EYS: variants seen among roughly 807,000 people sequenced by gnomAD.
The protein encoded by EYS is protein eyes shut homolog.
A neutral mutation model predicts 282.1 loss-of-function variants in EYS; 250 were observed. That is an observed-to-expected ratio of 0.89 (90% CI 0.80 to 0.98). The LOEUF (loss-of-function observed/expected upper bound fraction) is 0.98, where lower values mean the gene tolerates loss of function less well. Among genes scored for constraint, EYS ranks in the 50% least tolerant of loss-of-function variants. EYS has a pLI of 0.00. For missense variants in EYS, 4,016 were observed against 3,709.0 expected, an observed-to-expected ratio of 1.08 and a Z score of -2.15; for synonymous variants, 1,355 against 1,282.9, an observed-to-expected ratio of 1.06 and a Z score of -1.20.
At chr6:65,080,850 C>A (rs764039832) in intron 12 of EYS, among the ~76,000 whole-genome samples, 5 of 152,064 alleles carry the variant, frequency 3.3e-5, no homozygotes, top group Non-Finnish European at 7.4e-5. Flanking sequence ...AATTTTGCAT[C>A]TTTTTACATG....
At chr6:64,453,352 A>G (rs1467918889) in intron 26 of EYS, among the ~76,000 whole-genome samples, 2 of 152,166 alleles carry the variant, frequency 1.3e-5, no homozygotes, top group Non-Finnish European at 2.9e-5. Flanking sequence ...AAAAGTCAGG[A>G]AAGAACAGGT....
At chr6:64,798,600 G>A (rs931561560) in intron 22 of EYS, among the ~76,000 whole-genome samples, 2 of 102,682 alleles carry the variant, frequency 1.9e-5, no homozygotes, top group South Asian at 5.9e-4. Context: ...CTGTTTCTTT[G>A]TTTCTGGTTT....
At chr6:64,512,637 G>A (rs751360505) in intron 26 of EYS, among the ~76,000 whole-genome samples, 3 of 151,774 alleles carry the variant, frequency 2.0e-5, no homozygotes, top group Non-Finnish European at 4.4e-5. Context: ...GGAAAAAAAG[G>A]CAAAGAAAGA....
At chr6:63,754,579 T>G (rs573037397) in intron 41 of EYS, among the ~76,000 whole-genome samples, 12 of 152,344 alleles carry the variant, frequency 7.9e-5, no homozygotes, top group Non-Finnish European at 1.3e-4. Flanking sequence ...ATTTTCTTTA[T>G]CCAGTCTATC....
chr6:64,507,983 G>A (rs549346925), intron 26 of EYS, among the ~76,000 whole-genome samples: 13 of 152,274 alleles, frequency 8.5e-5, no homozygotes, highest in African/African-American at 2.9e-4. Flanking sequence ...GAACGACAAG[G>A]TGTTCTGTAA....
At chr6:64,197,142 C>G (rs1370667065) in intron 31 of EYS, among the ~76,000 whole-genome samples, 1 of 152,096 alleles carries the variant, frequency 6.6e-6, no homozygotes, top group Non-Finnish European at 1.5e-5. Context: ...TATTTTTATA[C>G]TATCTAGGTA....
At position 64,276,887 on chromosome 6, in the gene EYS, GAATT is replaced by G. The variant is rs1387070692; in HGVS notation, c.6191+30079_6191+30082del. 2.6e-5 allele frequency among the ~76,000 whole-genome samples: 4 copies of G among 152,086 alleles called. No homozygotes were observed. The East Asian group carries it at 7.7e-4, about 29-fold the overall frequency. On this transcript the variant is annotated intron_variant, in intron 30 of 42. Coordinates refer to ENST00000503581, the MANE Select transcript of EYS (RefSeq NM_001142800.2). ...ATTAACATCAGCTAGTCTCAAAATAGAATTAATTTGGAATATATTCTGCAAAATG... is the reference window on the plus strand; with the variant it reads ...ATTAACATCAGCTAGTCTCAAAATAGAATTTGGAATATATTCTGCAAAATG...
chr6:64,355,862 C>T (rs1771806343), intron 29 of EYS, among the ~76,000 whole-genome samples: 1 of 151,616 alleles, frequency 6.6e-6, no homozygotes, highest in African/African-American at 2.4e-5. Flanking sequence ...AGATGAGCTT[C>T]AGAAGTTCTG....
At chr6:65,618,938 C>T (rs1451114919) in intron 2 of EYS, among the ~76,000 whole-genome samples, 15 of 152,108 alleles carry the variant, frequency 9.9e-5, no homozygotes, top group Non-Finnish European at 1.3e-4. Flanking sequence ...CAGTACCATG[C>T]TGTTTTGGTT....
At chr6:64,240,688 C>A (rs896138852) in intron 30 of EYS, among the ~76,000 whole-genome samples, 20 of 152,174 alleles carry the variant, frequency 1.3e-4, no homozygotes, top group African/African-American at 4.8e-4. Context: ...ACAATCACGT[C>A]ATCTGCAAAC....
rs1352791265 is a variant in EYS at position 64,902,419 on chromosome 6, A to G, written c.2723T>C (p.Met908Thr). The G allele has an allele frequency of 3.2e-6, 5 of 1,539,168 alleles. No individual in the cohort carries two copies. The South Asian group carries it at 4.9e-5, about 15-fold the overall frequency. Residue 908 changes from methionine (M) to threonine (T), a missense_variant, in exon 17 of 43, where the codon ATG (methionine) becomes ACG (threonine). Physicochemically the swap from Met to Thr is moderately conservative, Grantham distance 81. Coordinates refer to ENST00000503581, the MANE Select transcript of EYS (RefSeq NM_001142800.2). ...TTTTCTGTACCTGAAATTGTTGACC[A>G]TATCTTCACAGTCACCATAATCCTG... ...SCQDYGDCED[M>T]VNNFRCICRP...
In EYS at chr6:63,726,576, G is replaced by A; in HGVS notation, c.8176C>T (p.Pro2726Ser). ...AATAGGATACCATCTGCAGCGAGAG[G>A]CTGAAACTGCAATTGAATATGTGTC... ...KKTHIQLQFQ[P>S]LAADGILFYA... The change falls in exon 42 of 43, where the codon CCT (proline) becomes TCT (serine). Residue 2726 changes from proline to serine, a missense_variant. Physicochemically the swap from Pro to Ser is moderately conservative, Grantham distance 74. Coordinates refer to ENST00000503581, the MANE Select transcript of EYS (RefSeq NM_001142800.2). 2 of 1,551,352 alleles carry A rather than the reference G, an allele frequency of 1.3e-6. No individual in the cohort carries two copies. The highest frequency in any genetic ancestry group is 1.2e-5 in the South Asian group (1 of 84,052).
chr6:64,692,943 AT>A (rs1440561704), intron 22 of EYS, among the ~76,000 whole-genome samples: 1 of 23,794 alleles, frequency 4.2e-5, no homozygotes, highest in Non-Finnish European at 9.0e-5. Context: ...CTCTGGCTTT[AT>A]TATTTTGCTT....
At chr6:64,431,183 GA>G (rs1774565202) in intron 28 of EYS, among the ~76,000 whole-genome samples, 1 of 152,046 alleles carries the variant, frequency 6.6e-6, no homozygotes, top group Non-Finnish European at 1.5e-5. Context: ...TTGATATGAA[GA>G]AAGAATCTGT....
intron 26 of EYS, among the ~76,000 whole-genome samples, chr6:64,516,682 C>T (rs191041390): frequency 1.8e-4 from 28 of 151,776 alleles, no homozygotes; most frequent in Middle Eastern, 3.4e-3. Context: ...TACAGTAGAG[C>T]ACTGAGGGAA....
In EYS at chr6:64,722,318, A is replaced by G. The variant is rs533501566; in HGVS notation, c.3443+91060T>C. On this transcript the variant is annotated intron_variant, in intron 22 of 42. Coordinates refer to ENST00000503581, the MANE Select transcript of EYS (RefSeq NM_001142800.2). ...AAATCAGAATCCTGGGCAGTAAAAAATGAGAAAAATATAATTGAATGTGTG... is the reference window on the plus strand; with the variant it reads ...AAATCAGAATCCTGGGCAGTAAAAAGTGAGAAAAATATAATTGAATGTGTG... Among the ~76,000 whole-genome samples, 81 of 151,674 alleles carry G rather than the reference A, an allele frequency of 5.3e-4. No homozygotes were observed. The Middle Eastern group carries it at 0.01, about 19-fold the overall frequency.
chr6:65,542,775 G>T (rs1380984522), intron 2 of EYS, among the ~76,000 whole-genome samples: 3 of 151,768 alleles, frequency 2.0e-5, no homozygotes, highest in Non-Finnish European at 1.5e-5. Flanking sequence ...AAATGACATT[G>T]GTAAATACTA....
intron 14 of EYS, among the ~76,000 whole-genome samples, chr6:64,973,209 T>C (rs938373494): frequency 6.6e-6 from 1 of 152,028 alleles, no homozygotes; most frequent in Non-Finnish European, 1.5e-5. Context: ...TCTCAGCCTT[T>C]CAGAAAACAA....
chr6:64,099,748 T>A (rs1432283277), intron 31 of EYS, among the ~76,000 whole-genome samples: 1 of 152,110 alleles, frequency 6.6e-6, no homozygotes, highest in Non-Finnish European at 1.5e-5. Flanking sequence ...ACCTAAAATA[T>A]CCCTTTCCAA....
Sources: allele counts gnomAD v4.1 joint callset (sites outside exome capture counted in the v4.1 genomes callset), GRCh38; gene constraint gnomAD v4.1.1; transcripts MANE v1.5; gene names NCBI Gene and HGNC (gene_info 2026-07-23, HGNC 2026-07-21).